TIMD4: variants seen among roughly 807,000 people sequenced by gnomAD.
TIMD4 encodes the protein T cell immunoglobulin and mucin domain containing 4, also known as T-cell immunoglobulin and mucin domain-containing protein 4.
TIMD4 carries 31 observed loss-of-function variants against 41.2 expected under a neutral mutation model. The observed-to-expected ratio is 0.75, with a 90% CI of 0.57 to 1.01. The LOEUF (loss-of-function observed/expected upper bound fraction) is 1.01. Among genes scored for constraint, TIMD4 ranks in the 50% least tolerant of loss-of-function variants. The pLI, the probability that TIMD4 is intolerant of heterozygous loss-of-function variation, is 0.00. For synonymous variants in TIMD4, 204 were observed against 177.1 expected, an observed-to-expected ratio of 1.15 and a Z score of -1.21; for missense variants, 479 against 472.5, an observed-to-expected ratio of 1.01 and a Z score of -0.13.
chr5:156,930,967 A>G (rs548972392), intron 5 of TIMD4, among the ~76,000 whole-genome samples: 1 of 152,322 alleles, frequency 6.6e-6, no homozygotes, highest in South Asian at 2.1e-4. Context: ...ATCCTGGGTT[A>G]TCTGGTGGGT....
At chr5:156,927,860 T>G (rs1255801245) in intron 5 of TIMD4, among the ~76,000 whole-genome samples, 1 of 152,092 alleles carries the variant, frequency 6.6e-6, no homozygotes, top group Admixed American at 6.5e-5. Flanking sequence ...TTACAGTCAC[T>G]GAGTGACCGT....
intron 3 of TIMD4, among the ~76,000 whole-genome samples, chr5:156,950,641 T>C (rs984356197): frequency 1.5e-4 from 23 of 152,092 alleles, no homozygotes; most frequent in Admixed American, 1.2e-3. Flanking sequence ...CCCTAAGCAA[T>C]GGAGCAAGTC....
At chr5:156,936,010 G>A (rs1028698774) in intron 5 of TIMD4, among the ~76,000 whole-genome samples, 4 of 152,112 alleles carry the variant, frequency 2.6e-5, no homozygotes, top group Non-Finnish European at 5.9e-5. Context: ...AGGCCGAGGC[G>A]GCCAGATCTC....
At chr5:156,957,346 T>G (rs1759989072) in intron 1 of TIMD4, among the ~76,000 whole-genome samples, 2 of 151,476 alleles carry the variant, frequency 1.3e-5, no homozygotes, top group Non-Finnish European at 2.9e-5. Flanking sequence ...AAACCCCATA[T>G]CTACAAAAAT....
chr5:156,947,833 T>C (rs1759772420), intron 5 of TIMD4, among the ~76,000 whole-genome samples: 1 of 152,216 alleles, frequency 6.6e-6, no homozygotes, highest in Admixed American at 6.5e-5. Flanking sequence ...GGGCTGGGAT[T>C]GAAGACAAGG....
At chr5:156,957,635 A>T (rs544728518) in intron 1 of TIMD4, among the ~76,000 whole-genome samples, 28 of 152,306 alleles carry the variant, frequency 1.8e-4, no homozygotes, top group African/African-American at 6.3e-4. Context: ...TGTTAACAAC[A>T]TAGAACACAT....
intron 5 of TIMD4, among the ~76,000 whole-genome samples, chr5:156,947,997 TAAGGAAG>T (rs1357090598): frequency 6.6e-6 from 1 of 152,158 alleles, no homozygotes; most frequent in Non-Finnish European, 1.5e-5. Context: ...CAGCAGTTGC[TAAGGAAG>T]AAGGAAGATT....
At chr5:156,923,926 C>A (rs1247596141) in intron 6 of TIMD4, among the ~76,000 whole-genome samples, 1 of 151,776 alleles carries the variant, frequency 6.6e-6, no homozygotes, top group Non-Finnish European at 1.5e-5. Flanking sequence ...CAGCCTCAAC[C>A]TCCTGGACTC....
intron 6 of TIMD4, chr5:156,924,465 A>G (rs777589651): frequency 1.6e-5 from 8 of 492,406 alleles, no homozygotes; most frequent in Non-Finnish European, 3.3e-5. Flanking sequence ...ACTGGGTGTT[A>G]TTGGTTTTGC....
intron 1 of TIMD4, among the ~76,000 whole-genome samples, chr5:156,957,205 G>A (rs1341058339): frequency 6.6e-6 from 1 of 152,098 alleles, no homozygotes; most frequent in Non-Finnish European, 1.5e-5. Context: ...AAGTGGAAAT[G>A]TTTCCCAGAT....
At position 156,954,701 on chromosome 5, in the gene TIMD4, C is replaced by A; in HGVS notation, c.114G>T (p.Leu38Phe). ...VTEVLGHRVT[L>F]PCLYSSWSHN... ...GAGACCAGGATGAGTACAGACAGGG[C>A]AAAGTCACCCGGTGACCCAAAACCT... The change falls in exon 2 of 9, where the codon TTG becomes TTT. Residue 38 changes from leucine (L) to phenylalanine (F), a missense_variant. Leu to Phe is a conservative substitution (Grantham distance 22). Coordinates refer to ENST00000274532, the MANE Select transcript of TIMD4 (RefSeq NM_138379.3). 1.2e-6 allele frequency: 2 copies of A among 1,614,040 alleles called. No homozygotes were observed. Among genetic ancestry groups the A allele is most frequent in the South Asian group, 1.1e-5 (1 of 91,068 alleles).
intron 2 of TIMD4, among the ~76,000 whole-genome samples, chr5:156,953,922 A>G (rs1274367296): frequency 6.6e-6 from 1 of 152,232 alleles, no homozygotes; most frequent in Non-Finnish European, 1.5e-5. Context: ...AACTGATAGT[A>G]ACAGAAGAAA....
intron 5 of TIMD4, among the ~76,000 whole-genome samples, chr5:156,939,841 G>A (rs1180595816): frequency 6.6e-6 from 1 of 152,150 alleles, no homozygotes; most frequent in Non-Finnish European, 1.5e-5. Flanking sequence ...CTGAAGTATT[G>A]CAGGAGACTC....
intron 5 of TIMD4, among the ~76,000 whole-genome samples, chr5:156,945,776 A>C (rs924283679): frequency 2.0e-5 from 3 of 152,214 alleles, no homozygotes; most frequent in African/African-American, 7.2e-5. Context: ...ATGATACCTA[A>C]AGAGTGTAGA....
intron 1 of TIMD4, among the ~76,000 whole-genome samples, chr5:156,957,880 G>C (rs991668660): frequency 2.0e-5 from 3 of 152,120 alleles, no homozygotes; most frequent in African/African-American, 7.2e-5. Context: ...TGAATATTTG[G>C]TAAATTAATA....
chr5:156,941,252 A>G (rs1056185728), intron 5 of TIMD4, among the ~76,000 whole-genome samples: 1 of 152,076 alleles, frequency 6.6e-6, no homozygotes, highest in African/African-American at 2.4e-5. Flanking sequence ...CCTTCTCTCC[A>G]CTATTGTCCT....
At chr5:156,959,668 C>T (rs1760042947) in intron 1 of TIMD4, among the ~76,000 whole-genome samples, 1 of 152,108 alleles carries the variant, frequency 6.6e-6, no homozygotes, top group Non-Finnish European at 1.5e-5. Context: ...GAGTGAAGGG[C>T]ATCTTTTAAG....
chr5:156,942,242 A>T (rs1172202226), intron 5 of TIMD4, among the ~76,000 whole-genome samples: 5 of 152,206 alleles, frequency 3.3e-5, no homozygotes, highest in African/African-American at 4.8e-5. Flanking sequence ...GTGAAACCTC[A>T]TATGTAAATA....
chr5:156,941,183 G>A lies in TIMD4; in HGVS notation c.844+7233C>T, dbSNP rs1292910605. Among the ~76,000 whole-genome samples the A allele has an allele frequency of 2.0e-5, 3 of 152,028 alleles. No homozygotes were observed. The East Asian group carries it at 5.8e-4, about 29-fold the overall frequency. On this transcript the variant is annotated intron_variant, in intron 5 of 8. Transcript: ENST00000274532. ...CCCAGGGACACAAACACTGCGGAAG[G>A]CCGCAGGGTCCTCTGCCTAGGAAAA...
Sources: allele counts gnomAD v4.1 joint callset (sites outside exome capture counted in the v4.1 genomes callset), GRCh38; gene constraint gnomAD v4.1.1; transcripts MANE v1.5; gene names NCBI Gene and HGNC (gene_info 2026-07-23, HGNC 2026-07-21).